CFAP97D2: variants seen among roughly 807,000 people sequenced by gnomAD.
CFAP97D2 encodes the protein CFAP97 domain containing 2.
At chr13:114,193,283 G>C (rs2080875645) in intron 1 of CFAP97D2, among the ~76,000 whole-genome samples, 1 of 152,228 alleles carries the variant, frequency 6.6e-6, no homozygotes, top group Admixed American at 6.5e-5. Context: ...AGAATATTCA[G>C]ATAGATTTAA....
At chr13:114,209,436 A>C (rs1454033288) in intron 3 of CFAP97D2, among the ~76,000 whole-genome samples, 9 of 152,244 alleles carry the variant, frequency 5.9e-5, no homozygotes, top group African/African-American at 1.7e-4. Flanking sequence ...CTCAAGTACA[A>C]CACCTTTCTC....
Position 114,187,757 on chromosome 13 carries a change from T to C in CFAP97D2, c.90+8337T>C, listed in dbSNP as rs900855438. ...TCATCAATCAACTAGATATAATTGA[T>C]ATCTATCATCCAATTCATCCAGCAA... On this transcript the variant is annotated intron_variant, in intron 1 of 4. Transcript: ENST00000646158. This position sits in a 1 kb window ranked among gnomAD's most constrained non-coding sequence, Gnocchi z 4.2. Among the ~76,000 whole-genome samples the C allele has an allele frequency of 5.3e-5, 8 of 152,192 alleles. No homozygotes were observed. Among genetic ancestry groups the C allele is most frequent in the African/African-American group, 1.7e-4 (7 of 41,454 alleles).
Position 114,207,107 on chromosome 13 carries a change from G to A in CFAP97D2, c.291-4805G>A, listed in dbSNP as rs919063319. Among the ~76,000 whole-genome samples, 11 of 152,212 alleles carry A rather than the reference G, an allele frequency of 7.2e-5. No homozygotes were observed. The highest frequency in any genetic ancestry group is 8.8e-5 in the Non-Finnish European group (6 of 68,028). ...ACCACCGCATGGCAGCAGTGTCCCC[G>A]CATCCACCTGGTGTGGGCAAGGCAC... On this transcript the variant is annotated intron_variant, in intron 3 of 4. Transcript: ENST00000646158. This position sits in a 1 kb window ranked among gnomAD's most constrained non-coding sequence, Gnocchi z 4.9.
At chr13:114,204,027 CT>C (rs1481867178) in intron 3 of CFAP97D2, among the ~76,000 whole-genome samples, 4 of 152,178 alleles carry the variant, frequency 2.6e-5, no homozygotes, top group Admixed American at 2.0e-4. Flanking sequence ...CTTATTGTTG[CT>C]GGGGAGCAAT....
rs558082279 is a variant in CFAP97D2 at position 114,182,339 on chromosome 13, T to C, written c.90+2919T>C. On this transcript the variant is annotated intron_variant, in intron 1 of 4. Transcript: ENST00000646158. ...TCTCGCCTCCCGCCATAGGGCTGTT[T>C]TTCTCCTATCTCAGAATTGAACAAA... Among the ~76,000 whole-genome samples the C allele has an allele frequency of 1.2e-3, 175 of 151,724 alleles. No individual in the cohort carries two copies. The South Asian group carries it at 0.021, about 18-fold the overall frequency.
rs1268844070 is a variant in CFAP97D2 at position 114,207,718 on chromosome 13, G to T, written c.291-4194G>T. 6.6e-6 allele frequency among the ~76,000 whole-genome samples: 1 copy of T among 152,156 alleles called. No homozygotes were observed. The highest frequency in any genetic ancestry group is 1.5e-5 in the Non-Finnish European group (1 of 68,036). On this transcript the variant is annotated intron_variant, in intron 3 of 4. Transcript: ENST00000646158. The surrounding 1 kb of genome is among the most constrained non-coding windows in gnomAD (Gnocchi z 4.9). The stretch of plus-strand genomic sequence containing the variant: ...GACTGGTATGGGTCCATGGCCCGGG[G>T]GTTGGGGACCTCTGCCTTATAGGGA...
chr13:114,182,881 T>C (rs568363827), intron 1 of CFAP97D2, among the ~76,000 whole-genome samples: 5 of 152,246 alleles, frequency 3.3e-5, no homozygotes, highest in Non-Finnish European at 7.3e-5. Flanking sequence ...GAGTCTCTTA[T>C]GTCTTCCCTT....
In CFAP97D2 at chr13:114,189,083, TATA is replaced by T. The variant is rs543956200; in HGVS notation, c.91-7309_91-7307del. On this transcript the variant is annotated intron_variant, in intron 1 of 4. Coordinates refer to ENST00000646158, the Ensembl canonical transcript of CFAP97D2. This position sits in a 1 kb window ranked among gnomAD's most constrained non-coding sequence, Gnocchi z 4.5. ...AATAATATAACTATAATAACTATGT[TATA>T]ATATAACTATATTAGTAATAATATT... 8.7e-3 allele frequency among the ~76,000 whole-genome samples: 1,294 copies of T among 148,966 alleles called. 9 individuals are homozygous for T. The highest frequency in any genetic ancestry group is 0.011 in the Non-Finnish European group (742 of 67,362).
chr13:114,219,877 C>A (rs1167565381), intron 4 of CFAP97D2, among the ~76,000 whole-genome samples: 1 of 152,034 alleles, frequency 6.6e-6, no homozygotes, highest in Non-Finnish European at 1.5e-5. Context: ...AGGAAGGAGG[C>A]GATGGGCCCA....
At chr13:114,196,242 C>G (rs147736292) in intron 1 of CFAP97D2, among the ~76,000 whole-genome samples, 154 bp from the exon 2 acceptor site, 1 of 152,260 alleles carries the variant, frequency 6.6e-6, no homozygotes, top group African/African-American at 2.4e-5. Flanking sequence ...AGGGGATACT[C>G]GGATTCCAAA....
intron 2 of CFAP97D2, among the ~76,000 whole-genome samples, chr13:114,198,167 T>C (rs2080895807): frequency 6.6e-6 from 1 of 152,158 alleles, no homozygotes; most frequent in Non-Finnish European, 1.5e-5. Context: ...TTTTGTATTT[T>C]AGTAGACACA....
At chr13:114,204,174 A>G (rs1287109673) in intron 3 of CFAP97D2, among the ~76,000 whole-genome samples, 1 of 152,220 alleles carries the variant, frequency 6.6e-6, no homozygotes, top group Admixed American at 6.5e-5. Flanking sequence ...GAGGCTGACT[A>G]TGAGGAGACC....
rs906712738 is a variant in CFAP97D2 at position 114,185,482 on chromosome 13, G to A, written c.90+6062G>A. On this transcript the variant is annotated intron_variant, in intron 1 of 4. Transcript: ENST00000646158. This position sits in a 1 kb window ranked among gnomAD's most constrained non-coding sequence, Gnocchi z 5.2. ...TGAGTGGGAGCCCCACCCCTTCTGA[G>A]TTGGCATGTCAGGAGCTCCCTGGGT... Among the ~76,000 whole-genome samples, 6 of 152,214 alleles carry A rather than the reference G, an allele frequency of 3.9e-5. No homozygotes were observed. Among genetic ancestry groups the A allele is most frequent in the African/African-American group, 1.4e-4 (6 of 41,466 alleles).
chr13:114,205,563 T>A (rs527396749), intron 3 of CFAP97D2, among the ~76,000 whole-genome samples: 1 of 152,162 alleles, frequency 6.6e-6, no homozygotes. Flanking sequence ...TCAGTGAGGG[T>A]TGAACTTCTC....
In CFAP97D2 at chr13:114,188,763, C is replaced by T. The variant is rs560332516; in HGVS notation, c.91-7633C>T. ...CTGCACTCCAGCCTGGGCAACAGAG[C>T]GAGACTCAATCTCAAAAAAAAAAAA... On this transcript the variant is annotated intron_variant, in intron 1 of 4. Transcript: ENST00000646158. Among the ~76,000 whole-genome samples the T allele has an allele frequency of 9.7e-5, 13 of 134,450 alleles. No homozygotes were observed. The South Asian group carries it at 2.5e-3, about 26-fold the overall frequency. The allele number at this position is 134,450 out of a possible 152,430, so 88.2% of individuals were successfully genotyped here. A position where few individuals can be genotyped will look rare whatever the true frequency, so the allele number is the denominator to read the frequency against.
At chr13:114,214,391 C>CCAAT (rs1222341674) in intron 4 of CFAP97D2, 2 of 152,128 alleles carry the variant, frequency 1.3e-5, no homozygotes, top group African/African-American at 4.8e-5. Flanking sequence ...CATTTCAAGT[C>CCAAT]CAATCAATTT....
intron 1 of CFAP97D2, among the ~76,000 whole-genome samples, chr13:114,182,414 G>A (rs562279513): frequency 7.9e-5 from 12 of 152,004 alleles, no homozygotes; most frequent in Non-Finnish European, 1.3e-4. Context: ...GGGCAGGCAG[G>A]AGACAGTGGC....
chr13:114,212,499 G>A (rs1378899543), intron 4 of CFAP97D2, among the ~76,000 whole-genome samples: 1 of 151,998 alleles, frequency 6.6e-6, no homozygotes, highest in African/African-American at 2.4e-5. Context: ...AGCATCGCTT[G>A]AGCTGAGGAG....
chr13:114,195,645 A>C (rs1418057290), intron 1 of CFAP97D2, among the ~76,000 whole-genome samples: 1 of 152,190 alleles, frequency 6.6e-6, no homozygotes, highest in African/African-American at 2.4e-5. Flanking sequence ...TGTTTCCCTT[A>C]TTTGTACCTT....
Sources: gnomAD v4.1 joint callset for allele counts (sites outside exome capture counted in the v4.1 genomes callset) on GRCh38, gnomAD v4.1.1 for gene constraint, Gnocchi (gnomAD v3.1) non-coding constraint, MANE v1.5 for transcripts, NCBI Gene and HGNC (gene_info 2026-07-23, HGNC 2026-07-21) for gene names.